Variants in PIK3R3 observed in about 807,000 individuals in gnomAD.
PIK3R3 encodes the protein phosphatidylinositol 3-kinase regulatory subunit gamma.
In PIK3R3, 64 loss-of-function variants were observed where a neutral mutation model predicts 62.9. The observed-to-expected ratio is 1.02, with a 90% confidence interval of 0.83 to 1.25. The LOEUF (loss-of-function observed/expected upper bound fraction) is 1.25, where lower values mean the gene tolerates loss of function less well. Ranked by LOEUF, PIK3R3 falls within the 50% of genes most tolerant of loss-of-function variation. The probability of loss-of-function intolerance (pLI) is 0.00; values close to 1 mark genes in which losing one functional copy is unlikely to be tolerated. For missense variants in PIK3R3, 614 were observed against 561.6 expected, an observed-to-expected ratio of 1.09 and a Z score of -0.94; for synonymous variants, 165 against 189.0, an observed-to-expected ratio of 0.87 and a Z score of 1.04.
chr1:46,133,823 AG>A (rs1655825419), upstream of PIK3R3, among the ~76,000 whole-genome samples: 1 of 151,500 alleles, frequency 6.6e-6, no homozygotes, highest in Admixed American at 6.6e-5. Flanking sequence ...AAAAAAAAAA[AG>A]TCTTGGAATT....
intron 3 of PIK3R3, among the ~76,000 whole-genome samples, chr1:46,067,389 A>G (rs1430928112): frequency 6.6e-6 from 1 of 151,830 alleles, no homozygotes; most frequent in African/African-American, 2.4e-5. Flanking sequence ...TAAGAAAAAT[A>G]AAACAGAAGT....
intron 1 of PIK3R3, among the ~76,000 whole-genome samples, chr1:46,115,602 T>C (rs1314722134): frequency 6.6e-6 from 1 of 152,200 alleles, no homozygotes; most frequent in Non-Finnish European, 1.5e-5. Flanking sequence ...CAGTCCCAGT[T>C]AGAGAGATAT....
intron 1 of PIK3R3, among the ~76,000 whole-genome samples, chr1:46,117,327 G>C (rs1404007309): frequency 2.0e-5 from 3 of 152,138 alleles, no homozygotes; most frequent in Non-Finnish European, 4.4e-5. Context: ...TAGCTACTCA[G>C]GAGGCTGGGG....
intron 1 of PIK3R3, among the ~76,000 whole-genome samples, chr1:46,120,156 C>A (rs1311464797): frequency 6.6e-6 from 1 of 152,158 alleles, no homozygotes; most frequent in Non-Finnish European, 1.5e-5. Flanking sequence ...TGCCTATATT[C>A]CTCAAATTAG....
In PIK3R3 at chr1:46,040,973, T is replaced by C. The variant is rs1646985745; in HGVS notation, c.*2700A>G. ...GGAAACAATGGGCCTAGTACCTGTGTCCAGCCAGCCCCAAGCTGCTTGCAT... is the reference window on the plus strand; with the variant it reads ...GGAAACAATGGGCCTAGTACCTGTGCCCAGCCAGCCCCAAGCTGCTTGCAT... On this transcript the variant is annotated 3_prime_UTR_variant, in exon 10 of 10. Transcript: ENST00000262741. 5.8e-6 allele frequency: 1 copy of C among 171,014 alleles called. No individual in the cohort carries two copies. The allele number at this position is 171,014 out of a possible 1,614,324, so 10.6% of individuals were successfully genotyped here. A position where few individuals can be genotyped will look rare whatever the true frequency, so the allele number is the denominator to read the frequency against.
At chr1:46,049,353 G>A (rs1571350449) in intron 7 of PIK3R3, among the ~76,000 whole-genome samples, 1 of 152,190 alleles carries the variant, frequency 6.6e-6, no homozygotes, top group Non-Finnish European at 1.5e-5. Context: ...TTCAGTCTAA[G>A]ACAAAAGGAT....
rs1208739902 is a variant in PIK3R3, at chr1:46,066,134, GT to G, written c.540del (p.Lys180AsnfsTer32). ...KEDNIDAVGK[K>X]LQEYHSQYQE... ...TGATACTGAGAGTGGTATTCTTGCA[GT>G]TTTTTACCTACTGCATCAATATTAT... On this transcript the variant is annotated frameshift_variant, in exon 5 of 10. Coordinates refer to ENST00000262741, the MANE Select transcript of PIK3R3 (RefSeq NM_003629.4). LOFTEE classifies it high-confidence loss of function. 1.3e-6 allele frequency: 2 copies of G among 1,592,832 alleles called. No individual in the cohort carries two copies. Among genetic ancestry groups the G allele is most frequent in the Non-Finnish European group, 1.7e-6 (2 of 1,161,292 alleles).
chr1:46,116,778 C>A lies in PIK3R3; in HGVS notation c.106+15069G>T, dbSNP rs997085710. ...CTATTCCATATAATTCTCACAATAA[C>A]CCTACAGCAGGATTAATATTCTTTT... On this transcript the variant is annotated intron_variant, in intron 1 of 9. Transcript: ENST00000262741. Among the ~76,000 whole-genome samples, 6 of 152,142 alleles carry A rather than the reference C, an allele frequency of 3.9e-5. No homozygotes were observed. In the East Asian group the frequency reaches 1.2e-3, roughly 29 times the overall value.
chr1:46,170,735 C>T, the PIK3R3 span, among the ~76,000 whole-genome samples: 3 of 152,260 alleles, frequency 2.0e-5, no homozygotes, highest in East Asian at 5.8e-4. Flanking sequence ...CTGGTTTAAG[C>T]TTATGTGTCC....
At chr1:46,155,602 C>T in the PIK3R3 span, among the ~76,000 whole-genome samples, 1 of 152,004 alleles carries the variant, frequency 6.6e-6, no homozygotes, top group African/African-American at 2.4e-5. Context: ...CACGTGCCAG[C>T]ACACCCAGCT....
intron 1 of PIK3R3, 61 bp from the exon 2 acceptor site, chr1:46,080,811 C>A: frequency 8.9e-7 from 1 of 1,118,466 alleles, no homozygotes; most frequent in South Asian, 1.3e-5. Context: ...CTAATTTCCT[C>A]AGGAGCAGCT....
chr1:46,045,522 TTC>T (rs1270022351), intron 9 of PIK3R3, among the ~76,000 whole-genome samples: 2 of 151,240 alleles, frequency 1.3e-5, no homozygotes, highest in Non-Finnish European at 2.9e-5. Flanking sequence ...AGAGTTTTCC[TTC>T]TGAAGTAAAA....
the PIK3R3 span, among the ~76,000 whole-genome samples, chr1:46,144,944 A>G: frequency 6.6e-6 from 1 of 151,616 alleles, no homozygotes; most frequent in Non-Finnish European, 1.5e-5. Context: ...ACCAACATGG[A>G]GAAACCCCAT....
rs1647063607 is a variant in PIK3R3 at position 46,044,639 on chromosome 1, C to A, written c.1188-768G>T. Among the ~76,000 whole-genome samples, 1 of 152,138 alleles carries A rather than the reference C, an allele frequency of 6.6e-6. No homozygotes were observed. The highest frequency in any genetic ancestry group is 1.5e-5 in the Non-Finnish European group (1 of 68,036). The stretch of plus-strand genomic sequence containing the variant: ...AACAGTAATCCAATGCACTTTTCAA[C>A]TCCTCCCCCATTTTCTGCCCATAAG... On this transcript the variant is annotated intron_variant, in intron 9 of 9. Coordinates refer to ENST00000262741, the MANE Select transcript of PIK3R3 (RefSeq NM_003629.4). This position sits in a 1 kb window ranked among gnomAD's most constrained non-coding sequence, Gnocchi z 4.2.
chr1:46,045,440 A>C (rs1647082940), intron 9 of PIK3R3, among the ~76,000 whole-genome samples: 1 of 152,142 alleles, frequency 6.6e-6, no homozygotes. Flanking sequence ...AGTCACGATT[A>C]TCTTATGGAA....
At chr1:46,134,051 A>G (rs1278950505), upstream of PIK3R3, among the ~76,000 whole-genome samples, 1 of 152,206 alleles carries the variant, frequency 6.6e-6, no homozygotes, top group Admixed American at 6.5e-5. Flanking sequence ...AATAGCTAAA[A>G]GCAGATTTGT....
Position 46,046,098 on chromosome 1 carries a change from A to G in PIK3R3, c.1017-10T>C, listed in dbSNP as rs1285940290. The G allele has an allele frequency of 6.8e-7, 1 of 1,463,304 alleles. No homozygotes were observed. Among genetic ancestry groups the G allele is most frequent in the Non-Finnish European group, 9.5e-7 (1 of 1,054,162 alleles). The allele number at this position is 1,463,304 out of a possible 1,614,324, so 90.6% of individuals were successfully genotyped here. The stretch of plus-strand genomic sequence containing the variant: ...ATTGATAAAATAGTTCCTAAAAATT[A>G]AATATTAGTATATTATTCTAACAAG... On this transcript the variant is annotated splice_polypyrimidine_tract_variant and intron_variant, in intron 8 of 9. Coordinates refer to ENST00000262741, the MANE Select transcript of PIK3R3 (RefSeq NM_003629.4).
chr1:46,115,117 C>A (rs1654069792), intron 1 of PIK3R3, among the ~76,000 whole-genome samples: 1 of 152,028 alleles, frequency 6.6e-6, no homozygotes, highest in South Asian at 2.1e-4. Flanking sequence ...AGGAAACATA[C>A]AAAGGCAGCC....
chr1:46,141,807 A>T, the PIK3R3 span, among the ~76,000 whole-genome samples: 1 of 152,106 alleles, frequency 6.6e-6, no homozygotes, highest in East Asian at 1.9e-4. Flanking sequence ...TCAGCCAGCC[A>T]AAGCCAAATC....
Sources: allele counts gnomAD v4.1 joint callset (sites outside exome capture counted in the v4.1 genomes callset), GRCh38; gene constraint gnomAD v4.1.1; non-coding constraint Gnocchi (gnomAD v3.1); transcripts MANE v1.5; gene names NCBI Gene and HGNC (gene_info 2026-07-23, HGNC 2026-07-21).